TMEM44: variants seen among roughly 807,000 people sequenced by gnomAD.
TMEM44 encodes transmembrane protein 44.
Under a neutral mutation model 47.8 loss-of-function variants are expected in TMEM44, and 43 were observed. The ratio of observed to expected loss-of-function variants is 0.90; its 90% CI spans 0.70 to 1.16. The LOEUF (loss-of-function observed/expected upper bound fraction) is 1.16. Ranked by LOEUF, TMEM44 falls within the 50% of genes most tolerant of loss-of-function variation. The pLI is 0.00. For missense variants in TMEM44, 568 were observed against 555.2 expected (o/e 1.02, Z -0.23); for synonymous variants, 277 against 238.8 (o/e 1.16, Z -1.48).
At chr3:194,615,516 T>C (rs1185484654) in intron 7 of TMEM44, 53 bp downstream of exon 7, 1 of 1,598,466 alleles carries the variant, frequency 6.3e-7, no homozygotes, top group East Asian at 2.2e-5. Flanking sequence ...CTCAAGATAC[T>C]GTTGCTGGGA....
At chr3:194,598,754 A>C (rs534303467) in intron 9 of TMEM44, among the ~76,000 whole-genome samples, 1 of 152,226 alleles carries the variant, frequency 6.6e-6, no homozygotes, top group Non-Finnish European at 1.5e-5. Flanking sequence ...GAAGTATTCA[A>C]AACAGTCGGT....
At chr3:194,626,294 C>T (rs1446061967) in intron 2 of TMEM44, among the ~76,000 whole-genome samples, 1 of 152,246 alleles carries the variant, frequency 6.6e-6, no homozygotes, top group Admixed American at 6.5e-5. Flanking sequence ...GCAGTCTCTG[C>T]TGTGTACCCT....
intron 9 of TMEM44, among the ~76,000 whole-genome samples, chr3:194,603,298 G>A (rs899887495): frequency 2.0e-5 from 3 of 152,366 alleles, no homozygotes; most frequent in Middle Eastern, 3.4e-3. Flanking sequence ...TGGTGCCCAC[G>A]ACAGGGCCCA....
chr3:194,615,792 C>T (rs1715819698), intron 6 of TMEM44, 95 bp from the exon 7 acceptor site: 2 of 1,478,556 alleles, frequency 1.4e-6, no homozygotes, highest in South Asian at 1.2e-5. Context: ...CCCCTCCCCA[C>T]TCACCTACTC....
chr3:194,597,109 C>G (rs551439333), intron 9 of TMEM44: 3 of 152,584 alleles, frequency 2.0e-5, no homozygotes, highest in Non-Finnish European at 2.9e-5. Context: ...CACATGCACA[C>G]GCACACCCAC....
intron 5 of TMEM44, chr3:194,617,674 G>A (rs776678713): frequency 1.1e-5 from 8 of 704,050 alleles, no homozygotes; most frequent in Admixed American, 6.0e-5. Flanking sequence ...GCAGCGGCTC[G>A]CCAATGTCCG....
intron 9 of TMEM44, among the ~76,000 whole-genome samples, chr3:194,596,301 A>G (rs764258093): frequency 6.6e-6 from 1 of 152,206 alleles, no homozygotes; most frequent in Non-Finnish European, 1.5e-5. Flanking sequence ...GCCCCAGTCC[A>G]GGAGGAAGTA....
rs1411194188 is a variant in TMEM44, at chr3:194,588,294, C to CTG, written c.*233_*234dup. 3 of 493,436 alleles carry CTG rather than the reference C, an allele frequency of 6.1e-6. No individual in the cohort carries two copies. The highest frequency in any genetic ancestry group is 5.9e-5 in the African/African-American group (3 of 50,894). 30.6% of individuals were successfully genotyped at this position (493,436 alleles called of 1,614,324 possible). ...TTTACGAAGCAAAAGCTTCTGTGAA[C>CTG]TGTGATCTTCAGAACGAATGCTGGG... On this transcript the variant is annotated 3_prime_UTR_variant, in exon 10 of 10. Transcript: ENST00000347147.
rs910571319 is a variant in TMEM44, at chr3:194,611,890, C to T, written c.913-870G>A. Among the ~76,000 whole-genome samples the T allele has an allele frequency of 2.0e-5, 3 of 151,992 alleles. No individual in the cohort carries two copies. The highest frequency in any genetic ancestry group is 7.3e-5 in the African/African-American group (3 of 41,364). The stretch of plus-strand genomic sequence containing the variant: ...TACAAAAATTGGCTGGGCAAGGTGG[C>T]GTGTGTCTGTAATCCTAGCTACGTG... On this transcript the variant is annotated intron_variant, in intron 7 of 9. Transcript: ENST00000347147. This position sits in a 1 kb window ranked among gnomAD's most constrained non-coding sequence, Gnocchi z 4.2.
intron 2 of TMEM44, 102 bp downstream of exon 2, chr3:194,628,281 G>T: frequency 6.9e-7 from 1 of 1,458,926 alleles, no homozygotes; most frequent in Non-Finnish European, 9.2e-7. Flanking sequence ...TGCTATGCAT[G>T]TTGCAGCAAC....
chr3:194,623,485 G>A, intron 4 of TMEM44, 44 bp downstream of exon 4: 1 of 1,544,794 alleles, frequency 6.5e-7, no homozygotes, highest in Non-Finnish European at 8.7e-7. Context: ...CATTTGGCAG[G>A]ACATGCAGTA....
chr3:194,588,882 G>A, intron 9 of TMEM44: 1 of 512,880 alleles, frequency 1.9e-6, no homozygotes, highest in Non-Finnish European at 3.5e-6. Context: ...TTTCCTTCCC[G>A]CCCTCATTCT....
intron 3 of TMEM44, among the ~76,000 whole-genome samples, chr3:194,624,371 T>C (rs546810346): frequency 5.9e-5 from 9 of 152,224 alleles, no homozygotes; most frequent in East Asian, 1.9e-4. Flanking sequence ...CTGGGCAGCA[T>C]TGAGCCGCTG....
At chr3:194,588,767 G>C in intron 9 of TMEM44, 128 bp from the exon 10 acceptor site, 1 of 899,168 alleles carries the variant, frequency 1.1e-6, no homozygotes, top group Non-Finnish European at 1.7e-6. Flanking sequence ...AGGACAAAAG[G>C]GTAAGGACAA....
At chr3:194,623,381 A>G (rs1716788790) in intron 4 of TMEM44, 71 bp from the exon 5 acceptor site, 2 of 1,527,580 alleles carry the variant, frequency 1.3e-6, no homozygotes, top group East Asian at 4.8e-5. Flanking sequence ...AGAAACAGCC[A>G]AAGCTCAGGA....
intron 7 of TMEM44, among the ~76,000 whole-genome samples, chr3:194,612,732 T>G (rs1343085988): frequency 6.6e-6 from 1 of 152,076 alleles, no homozygotes; most frequent in African/African-American, 2.4e-5. Context: ...TGGCGGGATC[T>G]CGACTCACTG....
In TMEM44 at chr3:194,617,200, AGAG is replaced by A. The variant is rs771175362; in HGVS notation, c.679_681del (p.Leu227del). On this transcript the variant is annotated inframe_deletion, in exon 6 of 10. Coordinates refer to ENST00000347147, the MANE Select transcript of TMEM44 (RefSeq NM_001011655.3). ...TCGTGGGCCACAATGGCCGAGGCAT[AGAG>A]GAGGCCAGCCAGGGCCGACAGGAGC... 3.2e-6 allele frequency: 5 copies of A among 1,551,516 alleles called. No homozygotes were observed. In the Admixed American group the frequency reaches 7.9e-5, roughly 24 times the overall value.
intron 2 of TMEM44, among the ~76,000 whole-genome samples, chr3:194,628,163 T>C (rs1717371023): frequency 6.6e-6 from 1 of 152,170 alleles, no homozygotes; most frequent in South Asian, 2.1e-4. Context: ...GAAGTGACTT[T>C]TGAGCAAAGA....
At chr3:194,600,374 C>T (rs13079571) in intron 9 of TMEM44, among the ~76,000 whole-genome samples, 65,035 of 151,546 alleles carry the variant, frequency 0.43, 14,718 homozygotes, top group East Asian at 0.77. Flanking sequence ...CCACCTGTCT[C>T]GGCCTGTCTC....
Sources: allele counts gnomAD v4.1 joint callset (sites outside exome capture counted in the v4.1 genomes callset), GRCh38; gene constraint gnomAD v4.1.1; non-coding constraint Gnocchi (gnomAD v3.1); transcripts MANE v1.5; gene names NCBI Gene and HGNC (gene_info 2026-07-23, HGNC 2026-07-21).